The following GLI3 variants were observed in gnomAD, a reference collection of about 807,000 sequenced individuals.
The protein encoded by GLI3 is GLI family zinc finger 3, also known as transcription activator GLI3.
GLI3 carries 20 observed loss-of-function variants against 100.8 expected under a neutral mutation model. The observed-to-expected ratio is 0.20, with a 90% CI of 0.14 to 0.29. The LOEUF (loss-of-function observed/expected upper bound fraction) is 0.29, where lower values mean the gene tolerates loss of function less well. GLI3 is among the 10% of genes least tolerant of loss of function. The pLI is 1.00. For synonymous variants in GLI3, 938 were observed against 860.5 expected, an observed-to-expected ratio of 1.09 and a Z score of -1.58; for missense variants, 2,040 against 2,128.5, an observed-to-expected ratio of 0.96 and a Z score of 0.82.
intron 10 of GLI3, among the ~76,000 whole-genome samples, chr7:42,018,888 A>G (rs1259801965): frequency 6.6e-6 from 1 of 152,150 alleles, no homozygotes; most frequent in Non-Finnish European, 1.5e-5. Context: ...ACAGAAATAC[A>G]TCTCACTTTC....
At position 42,126,502 on chromosome 7, in the gene GLI3, C is replaced by T. The variant is rs568662372; in HGVS notation, c.367+21724G>A. 2.0e-5 allele frequency among the ~76,000 whole-genome samples: 3 copies of T among 152,260 alleles called. No individual in the cohort carries two copies. The South Asian group carries it at 6.2e-4, about 32-fold the overall frequency. ...ACTAAAGAAAAATCTGATCAGAGAA[C>T]AGTTTAGATGATCAAGACCTAGAGA... On this transcript the variant is annotated intron_variant, in intron 3 of 14. Transcript: ENST00000395925.
intron 10 of GLI3, among the ~76,000 whole-genome samples, chr7:41,991,448 A>G (rs925160950): frequency 6.6e-6 from 1 of 152,132 alleles, no homozygotes; most frequent in Non-Finnish European, 1.5e-5. Context: ...TACCCTCCTA[A>G]ACATCTTGAC....
intron 7 of GLI3, among the ~76,000 whole-genome samples, chr7:42,033,026 G>T (rs755933353): frequency 9.2e-5 from 14 of 152,154 alleles, no homozygotes; most frequent in Admixed American, 6.5e-5. Flanking sequence ...GTAGGAAGCT[G>T]AGCAGAAAGG....
intron 3 of GLI3, among the ~76,000 whole-genome samples, chr7:42,134,067 C>T (rs181568526): frequency 5.7e-5 from 8 of 139,536 alleles, no homozygotes; most frequent in East Asian, 2.1e-4. Context: ...GGCAACAGAG[C>T]GAGACTCTGT....
intron 10 of GLI3, among the ~76,000 whole-genome samples, chr7:41,999,971 G>A (rs1788240426): frequency 6.6e-6 from 1 of 152,172 alleles, no homozygotes; most frequent in East Asian, 1.9e-4. Flanking sequence ...ACTAACTAGA[G>A]AAGAACCAGT....
chr7:42,093,473 C>T, intron 3 of GLI3, among the ~76,000 whole-genome samples: 1 of 151,462 alleles, frequency 6.6e-6, no homozygotes, highest in South Asian at 2.1e-4. Flanking sequence ...TTACCACAAT[C>T]GTAGACAGTA....
At chr7:42,060,826 T>C (rs2237423) in intron 4 of GLI3, among the ~76,000 whole-genome samples, 39,406 of 152,068 alleles carry the variant, frequency 0.26, 5,252 homozygotes, top group South Asian at 0.32. Context: ...CATTTGTTTG[T>C]ATAGGTGTTA....
At chr7:42,237,940 G>A (rs2128708166), upstream of GLI3, 1 of 147,000 alleles carries the variant, frequency 6.8e-6, no homozygotes, top group East Asian at 2.1e-4. Context: ...GGGGAGCCCG[G>A]GCGCCGCGAG....
At chr7:42,187,956 T>G (rs1429327599) in intron 2 of GLI3, among the ~76,000 whole-genome samples, 1 of 134,992 alleles carries the variant, frequency 7.4e-6, no homozygotes, top group Non-Finnish European at 1.5e-5. Flanking sequence ...TGAGCCGAGA[T>G]CGCGCCACTG....
At chr7:42,263,348 T>G (rs932919340) in intron 1 of GLI3, among the ~76,000 whole-genome samples, 1 of 152,230 alleles carries the variant, frequency 6.6e-6, no homozygotes, top group Non-Finnish European at 1.5e-5. Flanking sequence ...GCTGTGATGC[T>G]TCTTAGGTGG....
At chr7:42,033,756 C>A (rs978013684) in intron 7 of GLI3, among the ~76,000 whole-genome samples, 1 of 152,098 alleles carries the variant, frequency 6.6e-6, no homozygotes, top group Non-Finnish European at 1.5e-5. Context: ...GGGCCAACAG[C>A]TATCATTACT....
chr7:42,024,570 T>A (rs980935279), intron 9 of GLI3, among the ~76,000 whole-genome samples: 1 of 152,190 alleles, frequency 6.6e-6, no homozygotes, highest in Non-Finnish European at 1.5e-5. Context: ...CCAATCTCTA[T>A]GGTGGGGAAT....
intron 2 of GLI3, among the ~76,000 whole-genome samples, chr7:42,209,757 A>G (rs1227272443): frequency 6.6e-6 from 1 of 151,884 alleles, no homozygotes; most frequent in Admixed American, 6.6e-5. Context: ...CTATGTGATC[A>G]CATCATGTTG....
intron 10 of GLI3, among the ~76,000 whole-genome samples, chr7:41,993,285 T>C (rs1788038693): frequency 6.6e-6 from 1 of 152,114 alleles, no homozygotes; most frequent in Non-Finnish European, 1.5e-5. Flanking sequence ...AACATAGAGA[T>C]CCACAGCTGG....
At chr7:42,025,178 C>A in intron 9 of GLI3, 86 bp downstream of exon 9, 1 of 843,918 alleles carries the variant, frequency 1.2e-6, no homozygotes, top group Non-Finnish European at 2.0e-6. Flanking sequence ...AAAAAGACAC[C>A]AGGTCTGGGG....
rs1787829050 is a variant in GLI3, at chr7:41,986,563, C to T, written c.1498-7815G>A. ...AACATGGTTGAACTTTGACAGCATG[C>T]TAAATGAAAGAAGCCAGTCCAAGAA... On this transcript the variant is annotated intron_variant, in intron 10 of 14. Transcript: ENST00000395925. 2.0e-5 allele frequency among the ~76,000 whole-genome samples: 3 copies of T among 152,102 alleles called. No homozygotes were observed. The South Asian group carries it at 6.2e-4, about 32-fold the overall frequency.
intron 13 of GLI3, among the ~76,000 whole-genome samples, chr7:41,970,275 T>A (rs1463010377): frequency 6.6e-6 from 1 of 152,108 alleles, no homozygotes; most frequent in Non-Finnish European, 1.5e-5. Context: ...GATGATCAAA[T>A]CAAAGACATG....
At chr7:42,097,844 A>C (rs2128760286) in intron 3 of GLI3, among the ~76,000 whole-genome samples, 1 of 152,276 alleles carries the variant, frequency 6.6e-6, no homozygotes, top group Middle Eastern at 3.4e-3. Flanking sequence ...CCTAGTGGAC[A>C]GATGTCAGGG....
rs559202830 is a variant in GLI3, at chr7:42,045,561, A to G, written c.680-31T>C. On this transcript the variant is annotated intron_variant, in intron 5 of 14. Transcript: ENST00000395925. ...AGGAGACAAGAGATGTATGGTTACTAGCGAAAGAAGGTCAACTAGAAGTTT... is the reference window on the plus strand; with the variant it reads ...AGGAGACAAGAGATGTATGGTTACTGGCGAAAGAAGGTCAACTAGAAGTTT... 1.6e-5 allele frequency: 25 copies of G among 1,610,730 alleles called. No homozygotes were observed. In the African/African-American group the frequency reaches 2.9e-4, roughly 19 times the overall value.
Sources: allele counts gnomAD v4.1 joint callset (sites outside exome capture counted in the v4.1 genomes callset), GRCh38; gene constraint gnomAD v4.1.1; transcripts MANE v1.5; gene names NCBI Gene and HGNC (gene_info 2026-07-23, HGNC 2026-07-21).